Variants in SPARC observed in about 807,000 individuals in gnomAD.
SPARC encodes the protein secreted protein acidic and cysteine rich.
Under a neutral mutation model 37.7 loss-of-function variants are expected in SPARC, and 23 were observed. That is an observed-to-expected ratio of 0.61 (90% CI 0.44 to 0.87). SPARC has a LOEUF of 0.87. SPARC is among the 40% of genes least tolerant of loss of function. SPARC has a pLI of 0.00. For missense variants in SPARC, 312 were observed against 389.0 expected (o/e 0.80, Z 1.66); for synonymous variants, 155 against 150.8 (o/e 1.03, Z -0.20).
intron 8 of SPARC, among the ~76,000 whole-genome samples, chr5:151,664,912 T>C (rs1241835733): frequency 1.3e-5 from 2 of 152,088 alleles, no homozygotes; most frequent in East Asian, 1.9e-4. Context: ...CTCCAGAGCA[T>C]GTGTATAATT....
intron 7 of SPARC, 150 bp downstream of exon 7, chr5:151,667,317 C>T (rs1760645123): frequency 2.4e-6 from 2 of 834,130 alleles, no homozygotes; most frequent in South Asian, 3.2e-5. Flanking sequence ...CCACAGCCTC[C>T]AAAGGCAGGA....
chr5:151,669,107 C>A (rs1362570430), intron 6 of SPARC, among the ~76,000 whole-genome samples: 1 of 152,168 alleles, frequency 6.6e-6, no homozygotes, highest in Admixed American at 6.5e-5. Context: ...CCTCCCCAGA[C>A]AACTGACTCC....
In SPARC at chr5:151,671,591, G is replaced by A. The variant is rs774915546; in HGVS notation, c.312C>T (p.Pro104=). The A allele has an allele frequency of 2.5e-6, 4 of 1,583,214 alleles. No homozygotes were observed. The African/African-American group carries it at 5.4e-5, about 22-fold the overall frequency. ...CCCTCACCTTCTCAAACTCGCCAATGGGGGCTGGGCAGCTGGTGGGGTCCT... is the reference window on the plus strand; with the variant it reads ...CCCTCACCTTCTCAAACTCGCCAATAGGGGCTGGGCAGCTGGTGGGGTCCT... The part of the protein sequence containing the change: ...VCQDPTSCPA[P]IGEFEKVCSN... Residue 104 remains proline, a synonymous_variant, in exon 5 of 10, where the codon CCC becomes CCT. Transcript: ENST00000231061.
chr5:151,684,444 A>G (rs1290782005), intron 1 of SPARC, among the ~76,000 whole-genome samples: 4 of 150,218 alleles, frequency 2.7e-5, no homozygotes, highest in African/African-American at 9.8e-5. Context: ...CCCTTGGCCA[A>G]TGCTTTTCCT....
In SPARC at chr5:151,666,378, G is replaced by A. The variant is rs1470974545; in HGVS notation, c.717C>T (p.Asp239=). 8 of 1,613,898 alleles carry A rather than the reference G, an allele frequency of 5.0e-6. No individual in the cohort carries two copies. The highest frequency in any genetic ancestry group is 1.3e-5 in the African/African-American group (1 of 74,918). The change falls in exon 8 of 10, where the codon GAC becomes GAT. Residue 239 remains aspartate (D), a synonymous_variant. Coordinates refer to ENST00000231061, the MANE Select transcript of SPARC (RefSeq NM_003118.4). ...FPVHWQFGQL[D]QHPIDGYLSH... ...GGTCTTACCCGTCAATGGGGTGCTG[G>A]TCCAGCTGGCCGAACTGCCAGTGTA... is the stretch of plus-strand genomic sequence containing the variant.
chr5:151,668,948 A>T (rs1438905611), intron 6 of SPARC, among the ~76,000 whole-genome samples: 1 of 152,006 alleles, frequency 6.6e-6, no homozygotes, highest in Non-Finnish European at 1.5e-5. Context: ...CAGAATACAC[A>T]AGACCCACAG....
In SPARC at chr5:151,669,796, G is replaced by A; in HGVS notation, c.331-12C>T. On this transcript the variant is annotated splice_polypyrimidine_tract_variant and intron_variant, in intron 5 of 9. Coordinates refer to ENST00000231061, the MANE Select transcript of SPARC (RefSeq NM_003118.4). ...TCATTGCTGCACACCTGTTGGCAAA[G>A]CACAGAGTACCCCCTCCTTCATTCC... 1 of 1,614,090 alleles carries A rather than the reference G, an allele frequency of 6.2e-7. No individual in the cohort carries two copies. Among genetic ancestry groups the A allele is most frequent in the Non-Finnish European group, 8.5e-7 (1 of 1,179,952 alleles).
At chr5:151,664,784 C>G (rs142473754) in intron 8 of SPARC, among the ~76,000 whole-genome samples, 1 of 152,164 alleles carries the variant, frequency 6.6e-6, no homozygotes, top group African/African-American at 2.4e-5. Context: ...TGAGGGTCAA[C>G]GGGAGCTCTA....
intron 6 of SPARC, 82 bp from the exon 7 acceptor site, chr5:151,667,682 C>T: frequency 2.1e-6 from 3 of 1,448,146 alleles, no homozygotes; most frequent in Admixed American, 2.1e-5. Context: ...CACCCACATA[C>T]CACCTGCATT....
At position 151,663,350 on chromosome 5, in the gene SPARC, T is replaced by C. The variant is rs1007341336; in HGVS notation, c.*221A>G. ...ACAAATGGCAAGAGAAAAATGGGAC[T>C]ATTAATGCGTGTGGAAAAGGCCTTA... On this transcript the variant is annotated 3_prime_UTR_variant, in exon 10 of 10. Transcript: ENST00000231061. 1.8e-6 allele frequency: 1 copy of C among 555,386 alleles called. No homozygotes were observed. The highest frequency in any genetic ancestry group is 3.2e-6 in the Non-Finnish European group (1 of 312,884). The allele number at this position is 555,386 out of a possible 1,614,324, so 34.4% of individuals were successfully genotyped here.
In SPARC at chr5:151,671,646, T is replaced by C; in HGVS notation, c.257A>G (p.Asp86Gly). Reference sequence around the variant, plus strand: ...CACGCACATGGGGGTGTTGTTCTCATCCAGCTCGCACACCTTGCCGTGTTT... The same window carrying C: ...CACGCACATGGGGGTGTTGTTCTCACCCAGCTCGCACACCTTGCCGTGTTT... ...HCKHGKVCEL[D>G]ENNTPMCVCQ... Residue 86 changes from aspartate to glycine, a missense_variant, in exon 5 of 10, where the codon GAT becomes GGT. Coordinates refer to ENST00000231061, the MANE Select transcript of SPARC (RefSeq NM_003118.4). 6.2e-7 allele frequency: 1 copy of C among 1,612,500 alleles called. No individual in the cohort carries two copies. Among genetic ancestry groups the C allele is most frequent in the South Asian group, 1.1e-5 (1 of 90,934 alleles).
At chr5:151,668,151 T>C (rs926340449) in intron 6 of SPARC, among the ~76,000 whole-genome samples, 5 of 97,054 alleles carry the variant, frequency 5.2e-5, no homozygotes, top group East Asian at 2.7e-4. Flanking sequence ...TTTTTCTTTT[T>C]TTCTTCTTTT....
At chr5:151,666,028 T>G (rs1226094238) in intron 8 of SPARC, among the ~76,000 whole-genome samples, 1 of 152,212 alleles carries the variant, frequency 6.6e-6, no homozygotes, top group African/African-American at 2.4e-5. Flanking sequence ...GGCGTGTGGC[T>G]GACCCAACCT....
intron 1 of SPARC, among the ~76,000 whole-genome samples, chr5:151,680,564 A>T (rs918194225): frequency 5.3e-5 from 8 of 152,144 alleles, no homozygotes; most frequent in Admixed American, 1.3e-4. Flanking sequence ...CTAAATAGCC[A>T]CATGTGGCTA....
At chr5:151,673,607 C>G (rs893954994) in intron 3 of SPARC, among the ~76,000 whole-genome samples, 2 of 152,110 alleles carry the variant, frequency 1.3e-5, no homozygotes, top group South Asian at 4.1e-4. Context: ...ATTCACTGAG[C>G]CAGATTAAAT....
intron 5 of SPARC, among the ~76,000 whole-genome samples, chr5:151,670,606 T>C (rs1048852339): frequency 4.6e-5 from 7 of 152,158 alleles, no homozygotes; most frequent in African/African-American, 1.4e-4. Flanking sequence ...TACAACTGTA[T>C]GCTGAGCCAA....
At chr5:151,667,097 ACT>A (rs1339979561) in intron 7 of SPARC, among the ~76,000 whole-genome samples, 3 of 152,200 alleles carry the variant, frequency 2.0e-5, no homozygotes, top group Non-Finnish European at 4.4e-5. Flanking sequence ...TTCTAGAGAC[ACT>A]GTTTCAGTGG....
rs370392493 is a variant in SPARC at position 151,678,017 on chromosome 5, G to A, written c.-13-1816C>T. 7.8e-4 allele frequency among the ~76,000 whole-genome samples: 119 copies of A among 152,264 alleles called. 2 individuals are homozygous for A. Among genetic ancestry groups the A allele is most frequent in the African/African-American group, 2.7e-3 (113 of 41,548 alleles). ...CTTCTTGCTTCCCCTTTTGGAAGAC[G>A]CAAGATAAATAACTCCTGCATGTGG... On this transcript the variant is annotated intron_variant, in intron 1 of 9. Coordinates refer to ENST00000231061, the MANE Select transcript of SPARC (RefSeq NM_003118.4).
chr5:151,678,587 G>C (rs1760914535), intron 1 of SPARC, among the ~76,000 whole-genome samples: 1 of 152,218 alleles, frequency 6.6e-6, no homozygotes, highest in Non-Finnish European at 1.5e-5. Context: ...TGGGGAATCT[G>C]AGGTTGAGAG....
Sources: gnomAD v4.1 joint callset for allele counts (sites outside exome capture counted in the v4.1 genomes callset) on GRCh38, gnomAD v4.1.1 for gene constraint, MANE v1.5 for transcripts, NCBI Gene and HGNC (gene_info 2026-07-23, HGNC 2026-07-21) for gene names.